Variants in RPS6KA5 observed in about 807,000 individuals in gnomAD.
RPS6KA5 encodes ribosomal protein S6 kinase A5.
RPS6KA5 carries 27 observed loss-of-function variants against 85.5 expected under a neutral mutation model. The ratio of observed to expected loss-of-function variants is 0.32; its 90% confidence interval spans 0.23 to 0.44. The LOEUF (loss-of-function observed/expected upper bound fraction) is 0.44, where lower values mean the gene tolerates loss of function less well. RPS6KA5 is among the 20% of genes least tolerant of loss of function. The pLI, the probability that RPS6KA5 is intolerant of heterozygous loss-of-function variation, is 1.00. For synonymous variants in RPS6KA5, 334 were observed against 348.2 expected (o/e 0.96, Z 0.46); for missense variants, 811 against 980.9 (o/e 0.83, Z 2.31).
chr14:90,925,189 C>A (rs1479957810), intron 5 of RPS6KA5, among the ~76,000 whole-genome samples: 1 of 152,114 alleles, frequency 6.6e-6, no homozygotes, highest in Non-Finnish European at 1.5e-5. Context: ...GCTGTGGCTG[C>A]ACAAACGGTG....
intron 1 of RPS6KA5, among the ~76,000 whole-genome samples, chr14:91,028,765 G>A (rs948263564): frequency 1.3e-5 from 2 of 148,960 alleles, no homozygotes; most frequent in Non-Finnish European, 3.0e-5. Context: ...TGATCTGCCC[G>A]CCTCTGCCTC....
At chr14:90,883,322 T>C (rs1045026336) in intron 14 of RPS6KA5, among the ~76,000 whole-genome samples, 2 of 152,166 alleles carry the variant, frequency 1.3e-5, no homozygotes, top group African/African-American at 4.8e-5. Flanking sequence ...TCGCTTTTTT[T>C]CATTTTTCTC....
At position 90,854,867 on chromosome 14, in the gene RPS6KA5, T is replaced by C. The variant is rs1482444713; in HGVS notation, c.*17207A>G. The C allele has an allele frequency of 2.0e-5, 3 of 152,206 alleles. No individual in the cohort carries two copies. Among genetic ancestry groups the C allele is most frequent in the Admixed American group, 6.5e-5 (1 of 15,274 alleles). 9.4% of individuals were successfully genotyped at this position (152,206 alleles called of 1,614,324 possible). Reference sequence around the variant, plus strand: ...AAAAATACCTTCAAAATGTTTACCATTCAAAACATATAAAAAGCACTGACT... The same window carrying C: ...AAAAATACCTTCAAAATGTTTACCACTCAAAACATATAAAAAGCACTGACT... On this transcript the variant is annotated 3_prime_UTR_variant, in exon 17 of 17. Coordinates refer to ENST00000614987, the MANE Select transcript of RPS6KA5 (RefSeq NM_004755.4).
chr14:90,947,424 AAG>A lies in RPS6KA5; in HGVS notation c.510+9_510+10del. ...CTTCAGAAAAGAAACCTGAAAAATG[AAG>A]AGTCTTACCTTGTGGAGATGTTCGA... On this transcript the variant is annotated intron_variant, in intron 4 of 16. Coordinates refer to ENST00000614987, the MANE Select transcript of RPS6KA5 (RefSeq NM_004755.4). 4 of 1,464,602 alleles carry A rather than the reference AAG, an allele frequency of 2.7e-6. No homozygotes were observed. The highest frequency in any genetic ancestry group is 1.8e-5 in the Admixed American group (1 of 55,674). 90.7% of individuals were successfully genotyped at this position (1,464,602 alleles called of 1,614,324 possible). A position where few individuals can be genotyped will look rare whatever the true frequency, so the allele number is the denominator to read the frequency against.
chr14:91,011,196 CT>C (rs1189287674), intron 1 of RPS6KA5, among the ~76,000 whole-genome samples: 1 of 152,016 alleles, frequency 6.6e-6, no homozygotes, highest in Non-Finnish European at 1.5e-5. Flanking sequence ...AAAATGGAAA[CT>C]AAAAAACAGG....
At position 90,947,385 on chromosome 14, in the gene RPS6KA5, C is replaced by T. The variant is rs778051022; in HGVS notation, c.510+50G>A. The stretch of plus-strand genomic sequence containing the variant: ...ATTAGCTCTTCCAGCTCCATTATTA[C>T]CTTAGTTAACAGACTTCAGAAAAGA... On this transcript the variant is annotated intron_variant, in intron 4 of 16. Transcript: ENST00000614987. 9.3e-6 allele frequency: 9 copies of T among 971,188 alleles called. 1 individual carries two copies. The South Asian group carries it at 1.1e-4, about 12-fold the overall frequency. 60.2% of individuals were successfully genotyped at this position (971,188 alleles called of 1,614,324 possible). A position where few individuals can be genotyped will look rare whatever the true frequency, so the allele number is the denominator to read the frequency against.
At chr14:91,017,468 A>ATT (rs2041553002) in intron 1 of RPS6KA5, among the ~76,000 whole-genome samples, 1 of 152,218 alleles carries the variant, frequency 6.6e-6, no homozygotes, top group Non-Finnish European at 1.5e-5. Flanking sequence ...CACTCATGGA[A>ATT]TTCACTGGTC....
intron 2 of RPS6KA5, among the ~76,000 whole-genome samples, chr14:90,982,809 T>C (rs1333098350): frequency 1.3e-5 from 2 of 151,354 alleles, no homozygotes; most frequent in African/African-American, 2.4e-5. Flanking sequence ...TGAAACCCCG[T>C]CTCTACTAAA....
chr14:91,031,176 C>T (rs954089655), intron 1 of RPS6KA5, among the ~76,000 whole-genome samples: 12 of 152,160 alleles, frequency 7.9e-5, no homozygotes, highest in African/African-American at 2.9e-4. Context: ...TGGTATCAAA[C>T]TTCTCATCAG....
intron 14 of RPS6KA5, among the ~76,000 whole-genome samples, chr14:90,878,509 A>G (rs140034367): frequency 1.1e-3 from 173 of 152,352 alleles, no homozygotes; most frequent in African/African-American, 3.8e-3. Context: ...TTACCTCCCC[A>G]AACATGGAAC....
chr14:91,009,534 T>G lies in RPS6KA5; in HGVS notation c.104-8375A>C, dbSNP rs192812897. 1.3e-5 allele frequency among the ~76,000 whole-genome samples: 2 copies of G among 152,318 alleles called. 1 individual carries two copies. Among genetic ancestry groups the G allele is most frequent in the East Asian group, 3.9e-4 (2 of 5,178 alleles). On this transcript the variant is annotated intron_variant, in intron 1 of 16. Transcript: ENST00000614987. ...TAAAGTGCTGGAATTACAGGCATGATGCCTGGCCATGTCTAAGGTATTTTA... is the reference window on the plus strand; with the variant it reads ...TAAAGTGCTGGAATTACAGGCATGAGGCCTGGCCATGTCTAAGGTATTTTA...
At chr14:90,995,043 T>TTTTTG (rs977104783) in intron 2 of RPS6KA5, among the ~76,000 whole-genome samples, 8 of 152,116 alleles carry the variant, frequency 5.3e-5, no homozygotes, top group African/African-American at 1.7e-4. Flanking sequence ...TGTGTGTGGT[T>TTTTTG]TTTTGTTTTG....
intron 1 of RPS6KA5, among the ~76,000 whole-genome samples, chr14:91,040,079 G>C (rs2042547659): frequency 6.6e-6 from 1 of 152,204 alleles, no homozygotes; most frequent in South Asian, 2.1e-4. Flanking sequence ...TTTCTAACTA[G>C]AGTCCTGGCA....
chr14:90,871,926 T>C lies in RPS6KA5; in HGVS notation c.*148A>G. On this transcript the variant is annotated 3_prime_UTR_variant, in exon 17 of 17. Coordinates refer to ENST00000614987, the MANE Select transcript of RPS6KA5 (RefSeq NM_004755.4). ...TCTGTCCAGTGCTTTTGAATGAGGATAACCAAACAGGTTTTCCTGAAAAAA... is the reference window on the plus strand; with the variant it reads ...TCTGTCCAGTGCTTTTGAATGAGGACAACCAAACAGGTTTTCCTGAAAAAA... 1 of 1,019,056 alleles carries C rather than the reference T, an allele frequency of 9.8e-7. No individual in the cohort carries two copies. Among genetic ancestry groups the C allele is most frequent in the South Asian group, 1.6e-5 (1 of 62,498 alleles). The allele number at this position is 1,019,056 out of a possible 1,614,324, so 63.1% of individuals were successfully genotyped here. A position where few individuals can be genotyped will look rare whatever the true frequency, so the allele number is the denominator to read the frequency against.
intron 3 of RPS6KA5, among the ~76,000 whole-genome samples, chr14:90,973,149 T>C (rs908750731): frequency 1.1e-4 from 17 of 152,136 alleles, no homozygotes; most frequent in Non-Finnish European, 2.2e-4. Flanking sequence ...AAATTAGAGA[T>C]GGCAAAAAAG....
rs60292727 is a variant in RPS6KA5, at chr14:90,852,076, A to G, written c.*19998T>C. Reference sequence around the variant, plus strand: ...CAAATTATCGGTATCTTTTCTTTAAAAAATCACTTTTTTTTTTTTTTTTTT... The same window carrying G: ...CAAATTATCGGTATCTTTTCTTTAAGAAATCACTTTTTTTTTTTTTTTTTT... On this transcript the variant is annotated 3_prime_UTR_variant, in exon 17 of 17. Coordinates refer to ENST00000614987, the MANE Select transcript of RPS6KA5 (RefSeq NM_004755.4). The G allele has an allele frequency of 0.099, 14,652 of 147,760 alleles. 1,773 individuals are homozygous for G. Among genetic ancestry groups the G allele is most frequent in the African/African-American group, 0.29 (11,619 of 39,970 alleles). 9.2% of individuals were successfully genotyped at this position (147,760 alleles called of 1,614,324 possible).
chr14:91,005,043 T>C lies in RPS6KA5; in HGVS notation c.104-3884A>G, dbSNP rs549973744. ...CTGAAAAGTTTCTGTTCCATTACCC[T>C]GAAAAGTTTCTGGATGTCCTTTTGA... is the stretch of plus-strand genomic sequence containing the variant. On this transcript the variant is annotated intron_variant, in intron 1 of 16. Coordinates refer to ENST00000614987, the MANE Select transcript of RPS6KA5 (RefSeq NM_004755.4). 4.6e-5 allele frequency among the ~76,000 whole-genome samples: 7 copies of C among 152,262 alleles called. No individual in the cohort carries two copies. In the South Asian group the frequency reaches 1.5e-3, roughly 32 times the overall value.
At chr14:90,946,963 C>T (rs1051189250) in intron 4 of RPS6KA5, among the ~76,000 whole-genome samples, 5 of 152,244 alleles carry the variant, frequency 3.3e-5, no homozygotes, top group South Asian at 2.1e-4. Flanking sequence ...GAGCAAGAGA[C>T]GGTGTCAGGG....
chr14:90,952,047 A>G (rs945925331), intron 3 of RPS6KA5, among the ~76,000 whole-genome samples: 1 of 152,020 alleles, frequency 6.6e-6, no homozygotes, highest in Non-Finnish European at 1.5e-5. Context: ...ATGCCCCTCT[A>G]CTTCTTTGGC....
Sources: allele counts gnomAD v4.1 joint callset (sites outside exome capture counted in the v4.1 genomes callset), GRCh38; gene constraint gnomAD v4.1.1; transcripts MANE v1.5; gene names NCBI Gene and HGNC (gene_info 2026-07-23, HGNC 2026-07-21).